The following FAM171A1 variants were observed in gnomAD, a reference collection of about 807,000 sequenced individuals.
The protein encoded by FAM171A1 is family with sequence similarity 171 member A1, also known as protein FAM171A1.
FAM171A1 carries 23 observed loss-of-function variants against 74.9 expected under a neutral mutation model. The ratio of observed to expected loss-of-function variants is 0.31; its 90% CI spans 0.22 to 0.44. FAM171A1 has a LOEUF of 0.44. Among genes scored for constraint, FAM171A1 ranks in the 20% least tolerant of loss-of-function variants. The probability of loss-of-function intolerance (pLI) is 1.00; values close to 1 mark genes in which losing one functional copy is unlikely to be tolerated. For synonymous variants in FAM171A1, 527 were observed against 505.7 expected, an observed-to-expected ratio of 1.04 and a Z score of -0.57; for missense variants, 1,162 against 1,159.2, an observed-to-expected ratio of 1.00 and a Z score of -0.03.
chr10:15,272,760 A>G lies in FAM171A1; in HGVS notation c.418+3095T>C, dbSNP rs142258668. On this transcript the variant is annotated intron_variant, in intron 3 of 7. Coordinates refer to ENST00000378116, the MANE Select transcript of FAM171A1 (RefSeq NM_001010924.2). ...AACTCACTCAAAACTGCTCAACTAC[A>G]TGGAATCTCAACAACCTGCTCCTGA... 2.4e-3 allele frequency among the ~76,000 whole-genome samples: 368 copies of G among 152,346 alleles called. 14 individuals carry two copies. The East Asian group carries it at 0.065, about 27-fold the overall frequency.
chr10:15,243,636 C>T (rs1326983779), intron 5 of FAM171A1, among the ~76,000 whole-genome samples: 1 of 151,810 alleles, frequency 6.6e-6, no homozygotes, highest in Non-Finnish European at 1.5e-5. Context: ...AAAGAGAAGG[C>T]AAAAATGAGA....
chr10:15,308,733 G>C (rs1017044284), intron 1 of FAM171A1, among the ~76,000 whole-genome samples: 1 of 152,176 alleles, frequency 6.6e-6, no homozygotes. Context: ...TGTTTTTACA[G>C]CACTGACCAT....
chr10:15,224,530 T>A (rs147249476), intron 5 of FAM171A1, among the ~76,000 whole-genome samples: 5 of 152,188 alleles, frequency 3.3e-5, no homozygotes, highest in African/African-American at 1.2e-4. Context: ...GAATTGTAGC[T>A]CCCACAATTC....
chr10:15,282,583 A>G (rs971444229), intron 2 of FAM171A1, among the ~76,000 whole-genome samples: 8 of 152,214 alleles, frequency 5.3e-5, no homozygotes, highest in Non-Finnish European at 1.2e-4. Flanking sequence ...GTGAACAACG[A>G]CAATTGACTG....
At chr10:15,364,059 G>A (rs534132322) in intron 1 of FAM171A1, among the ~76,000 whole-genome samples, 12 of 152,146 alleles carry the variant, frequency 7.9e-5, no homozygotes, top group African/African-American at 2.9e-4. Flanking sequence ...GAGGGTGGGG[G>A]GGCGGTCCCT....
chr10:15,297,063 C>CTT (rs1013371735), intron 1 of FAM171A1, among the ~76,000 whole-genome samples: 37 of 144,586 alleles, frequency 2.6e-4, no homozygotes, highest in African/African-American at 8.6e-4. Context: ...AGCTTTTTTT[C>CTT]TTTTTTTTTT....
At chr10:15,311,484 T>A (rs1347152916) in intron 1 of FAM171A1, among the ~76,000 whole-genome samples, 1 of 152,190 alleles carries the variant, frequency 6.6e-6, no homozygotes, top group African/African-American at 2.4e-5. Flanking sequence ...GTAAATGCTT[T>A]TGTTTCCTCC....
At chr10:15,309,074 T>C (rs772374036) in intron 1 of FAM171A1, among the ~76,000 whole-genome samples, 8 of 152,268 alleles carry the variant, frequency 5.3e-5, no homozygotes, top group Non-Finnish European at 1.2e-4. Flanking sequence ...AACCTGGTCC[T>C]ACTTTGTATT....
At chr10:15,272,134 G>A (rs1208713120) in intron 3 of FAM171A1, among the ~76,000 whole-genome samples, 1 of 152,156 alleles carries the variant, frequency 6.6e-6, no homozygotes, top group East Asian at 1.9e-4. Context: ...CTGTATTCAG[G>A]AGACCCATCT....
At chr10:15,275,444 G>T (rs1286181159) in intron 3 of FAM171A1, among the ~76,000 whole-genome samples, 2 of 151,750 alleles carry the variant, frequency 1.3e-5, no homozygotes, top group Non-Finnish European at 1.5e-5. Flanking sequence ...GTGCCACCAT[G>T]CCTGGCTAAA....
At chr10:15,315,453 CTAT>C (rs1426422564) in intron 1 of FAM171A1, among the ~76,000 whole-genome samples, 1 of 152,238 alleles carries the variant, frequency 6.6e-6, no homozygotes, top group Admixed American at 6.5e-5. Flanking sequence ...GTTATCATCA[CTAT>C]TATTATGAGA....
chr10:15,342,916 G>C (rs918519004), intron 1 of FAM171A1, among the ~76,000 whole-genome samples: 3 of 152,238 alleles, frequency 2.0e-5, no homozygotes, highest in Non-Finnish European at 4.4e-5. Context: ...TCATGGCCCA[G>C]GGTGAAACCT....
Position 15,214,005 on chromosome 10 carries a change from T to C in FAM171A1, c.1583A>G (p.Lys528Arg). ...GGGTCTGCGGTCCAGCAGCTGTTCT[T>C]TCTCAGGTGATGAAGGCGCGGGGTA... ...HLYPAPSSPE[K>R]EQLLDRRPTE... Residue 528 changes from lysine (K) to arginine (R), a missense_variant, in exon 8 of 8, where the codon AAA becomes AGA. Physicochemically the swap from Lys to Arg is conservative, Grantham distance 26. Transcript: ENST00000378116. 1 of 1,614,148 alleles carries C rather than the reference T, an allele frequency of 6.2e-7. No homozygotes were observed. Among genetic ancestry groups the C allele is most frequent in the East Asian group, 2.2e-5 (1 of 44,870 alleles).
upstream of FAM171A1, among the ~76,000 whole-genome samples, chr10:15,371,852 T>C (rs1339080931): frequency 6.6e-6 from 1 of 152,202 alleles, no homozygotes; most frequent in East Asian, 1.9e-4. Context: ...AGACCCTCTT[T>C]GGAACCATCG....
chr10:15,305,140 G>T (rs907102968), intron 1 of FAM171A1, among the ~76,000 whole-genome samples: 1 of 152,182 alleles, frequency 6.6e-6, no homozygotes, highest in South Asian at 2.1e-4. Flanking sequence ...GATGACTCAA[G>T]GTTTTCCCGG....
At chr10:15,292,347 AG>A (rs1835112020) in intron 1 of FAM171A1, among the ~76,000 whole-genome samples, 1 of 152,224 alleles carries the variant, frequency 6.6e-6, no homozygotes, top group South Asian at 2.1e-4. Context: ...CTGTCCTGAT[AG>A]GAAGTTTCAA....
At chr10:15,232,346 T>C (rs1205248064) in intron 5 of FAM171A1, among the ~76,000 whole-genome samples, 2 of 152,190 alleles carry the variant, frequency 1.3e-5, no homozygotes, top group Non-Finnish European at 2.9e-5. Context: ...CTCTGCTTAA[T>C]TGTTTCTCCG....
chr10:15,247,282 G>A (rs967244777), intron 5 of FAM171A1, among the ~76,000 whole-genome samples: 3 of 152,160 alleles, frequency 2.0e-5, no homozygotes, highest in African/African-American at 7.2e-5. Context: ...GGTTGATTGA[G>A]TGAGTGAGTG....
intron 1 of FAM171A1, among the ~76,000 whole-genome samples, chr10:15,315,701 C>A (rs946536998): frequency 6.6e-6 from 1 of 152,160 alleles, no homozygotes; most frequent in Non-Finnish European, 1.5e-5. Context: ...AGAAAGCCAT[C>A]GCCTTACCTC....
Sources: allele counts gnomAD v4.1 joint callset (sites outside exome capture counted in the v4.1 genomes callset), GRCh38; gene constraint gnomAD v4.1.1; transcripts MANE v1.5; gene names NCBI Gene and HGNC (gene_info 2026-07-23, HGNC 2026-07-21).